WDFY3: variants seen among roughly 807,000 people sequenced by gnomAD.
WDFY3 encodes the protein WD repeat and FYVE domain-containing protein 3.
WDFY3 carries 66 observed loss-of-function variants against 409.6 expected under a neutral mutation model. The ratio of observed to expected loss-of-function variants is 0.16; its 90% CI spans 0.13 to 0.20. The LOEUF is 0.20. WDFY3 is among the 10% of genes least tolerant of loss of function. WDFY3 has a pLI of 1.00. For missense variants in WDFY3, 3,031 were observed against 4,298.1 expected, an observed-to-expected ratio of 0.71 and a Z score of 8.24; for synonymous variants, 1,521 against 1,537.1, an observed-to-expected ratio of 0.99 and a Z score of 0.25.
intron 46 of WDFY3, among the ~76,000 whole-genome samples, chr4:84,721,825 TTC>T (rs1373800435): frequency 2.6e-5 from 4 of 151,588 alleles, no homozygotes; most frequent in Non-Finnish European, 5.9e-5. Flanking sequence ...CACAGCAAGA[TTC>T]TGTCTTAAAA....
At chr4:84,886,977 C>T (rs1256161464) in intron 3 of WDFY3, among the ~76,000 whole-genome samples, 4 of 151,636 alleles carry the variant, frequency 2.6e-5, no homozygotes, top group African/African-American at 9.7e-5. Context: ...CACTTTTACA[C>T]TATAATATTC....
intron 3 of WDFY3, among the ~76,000 whole-genome samples, chr4:84,894,544 T>C (rs963547299): frequency 4.6e-5 from 7 of 152,112 alleles, no homozygotes; most frequent in South Asian, 2.1e-4. Flanking sequence ...CCTAGCACTC[T>C]GGGAGGGCGA....
chr4:84,773,896 A>T (rs537959456), intron 29 of WDFY3, among the ~76,000 whole-genome samples: 1 of 152,064 alleles, frequency 6.6e-6, no homozygotes, highest in South Asian at 2.1e-4. Context: ...AATTGTTCCT[A>T]TTTTTAGTAG....
chr4:84,715,864 A>T (rs976017863), intron 49 of WDFY3, among the ~76,000 whole-genome samples: 6 of 151,402 alleles, frequency 4.0e-5, no homozygotes, highest in Admixed American at 3.9e-4. Flanking sequence ...CAATAAATAG[A>T]TATTTCTTAT....
At chr4:84,843,513 G>A (rs1757667151) in intron 5 of WDFY3, among the ~76,000 whole-genome samples, 1 of 152,058 alleles carries the variant, frequency 6.6e-6, no homozygotes, top group Admixed American at 6.6e-5. Context: ...CTCCGCCTCA[G>A]TCCCCCATGT....
intron 57 of WDFY3, 46 bp downstream of exon 57, chr4:84,696,686 T>C: frequency 6.3e-7 from 1 of 1,584,566 alleles, no homozygotes; most frequent in Non-Finnish European, 8.7e-7. Context: ...TTATGTTCAA[T>C]GACCAAATGA....
intron 15 of WDFY3, among the ~76,000 whole-genome samples, chr4:84,807,765 G>A (rs1030777934): frequency 1.3e-5 from 2 of 152,066 alleles, no homozygotes; most frequent in African/African-American, 2.4e-5. Flanking sequence ...ACAGAGCACT[G>A]ATCAAAGTAA....
intron 50 of WDFY3, among the ~76,000 whole-genome samples, chr4:84,713,628 G>A (rs1209478844): frequency 6.6e-6 from 1 of 152,012 alleles, no homozygotes; most frequent in African/African-American, 2.4e-5. Context: ...AATGTTGGAT[G>A]GTTTAGTTAT....
At chr4:84,813,037 CAT>C (rs1280094797) in intron 13 of WDFY3, among the ~76,000 whole-genome samples, 2 of 152,020 alleles carry the variant, frequency 1.3e-5, no homozygotes, top group Non-Finnish European at 2.9e-5. Flanking sequence ...ATTTCCATGA[CAT>C]GTCATGGAAT....
intron 26 of WDFY3, among the ~76,000 whole-genome samples, chr4:84,779,374 T>C (rs1266556042): frequency 1.3e-5 from 2 of 152,158 alleles, no homozygotes; most frequent in Admixed American, 1.3e-4. Flanking sequence ...GTTCCTCTTC[T>C]TACAAGTGAT....
chr4:84,825,169 AAAATT>A (rs1203488149), intron 10 of WDFY3, among the ~76,000 whole-genome samples: 3 of 152,198 alleles, frequency 2.0e-5, no homozygotes, highest in African/African-American at 7.2e-5. Context: ...GCATTATTAC[AAAATT>A]AAATTGTTGT....
intron 29 of WDFY3, 82 bp downstream of exon 29, chr4:84,774,735 AAAC>A: frequency 7.1e-7 from 1 of 1,406,202 alleles, no homozygotes; most frequent in Non-Finnish European, 9.6e-7. Context: ...ACAGTCATAA[AAAC>A]CAATTAAATT....
At chr4:84,844,230 C>G (rs1450029252) in intron 5 of WDFY3, among the ~76,000 whole-genome samples, 2 of 152,034 alleles carry the variant, frequency 1.3e-5, no homozygotes, top group Admixed American at 1.3e-4. Context: ...TTGCAAAGTC[C>G]ATTTAAAGCG....
intron 8 of WDFY3, among the ~76,000 whole-genome samples, chr4:84,830,515 ATTATGATGGGT>A (rs1184618541): frequency 6.6e-6 from 1 of 152,186 alleles, no homozygotes; most frequent in Non-Finnish European, 1.5e-5. Context: ...CTATTTTCAA[ATTATGATGGGT>A]TTATTGGGAC....
chr4:84,711,398 AATTG>A (rs1401233354), intron 51 of WDFY3, among the ~76,000 whole-genome samples: 1 of 152,230 alleles, frequency 6.6e-6, no homozygotes, highest in Non-Finnish European at 1.5e-5. Flanking sequence ...ATCCTATACA[AATTG>A]ATAAGATCTC....
chr4:84,696,233 C>G (rs776846945), intron 57 of WDFY3, 51 bp from the exon 58 acceptor site: 1 of 1,568,476 alleles, frequency 6.4e-7, no homozygotes, highest in Non-Finnish European at 8.7e-7. Flanking sequence ...ATTACTTGCT[C>G]AGAGACTAGA....
intron 7 of WDFY3, among the ~76,000 whole-genome samples, chr4:84,835,807 G>A (rs1406816191): frequency 6.6e-6 from 1 of 152,072 alleles, no homozygotes; most frequent in Non-Finnish European, 1.5e-5. Flanking sequence ...TCTCAGTAGT[G>A]GTGATGGTGG....
At chr4:84,828,023 C>T (rs561771527) in intron 9 of WDFY3, among the ~76,000 whole-genome samples, 4 of 146,116 alleles carry the variant, frequency 2.7e-5, no homozygotes, top group African/African-American at 7.5e-5. Context: ...AAAATTATAT[C>T]GAGCTATGAT....
At chr4:84,690,446 A>G (rs1578142762) in intron 61 of WDFY3, 60 bp downstream of exon 61, 1 of 1,612,348 alleles carries the variant, frequency 6.2e-7, no homozygotes, top group East Asian at 2.2e-5. Context: ...TACTTCCTAC[A>G]GGGTGTAGGC....
Sources: gnomAD v4.1 joint callset for allele counts (sites outside exome capture counted in the v4.1 genomes callset) on GRCh38, gnomAD v4.1.1 for gene constraint, MANE v1.5 for transcripts, NCBI Gene and HGNC (gene_info 2026-07-23, HGNC 2026-07-21) for gene names.